The following CGAS variants were observed in gnomAD, a reference collection of about 807,000 sequenced individuals.
CGAS encodes the protein 2'3'-cGAMP synthase.
A neutral mutation model predicts 34.0 loss-of-function variants in CGAS; 31 were observed. The ratio of observed to expected loss-of-function variants is 0.91; its 90% CI spans 0.69 to 1.23. CGAS has a LOEUF of 1.23. Ranked by LOEUF, CGAS falls within the 50% of genes most tolerant of loss-of-function variation. The pLI, the probability that CGAS is intolerant of heterozygous loss-of-function variation, is 0.00. For synonymous variants in CGAS, 266 were observed against 260.0 expected, an observed-to-expected ratio of 1.02 and a Z score of -0.22; for missense variants, 597 against 657.6, an observed-to-expected ratio of 0.91 and a Z score of 1.01.
At chr6:73,428,631 T>C in intron 4 of CGAS, 78 bp downstream of exon 4, 1 of 1,333,744 alleles carries the variant, frequency 7.5e-7, no homozygotes, top group Non-Finnish European at 1.0e-6. Flanking sequence ...GCTCAGCTCT[T>C]CAGGTCTGAG....
intron 2 of CGAS, among the ~76,000 whole-genome samples, chr6:73,440,691 C>T (rs1313541495): frequency 2.0e-5 from 3 of 152,074 alleles, no homozygotes; most frequent in Admixed American, 6.6e-5. Context: ...CACTTGAGGT[C>T]AGGAGTTCGA....
chr6:73,434,780 G>C (rs575733220), intron 3 of CGAS, among the ~76,000 whole-genome samples: 1 of 152,102 alleles, frequency 6.6e-6, no homozygotes, highest in South Asian at 2.1e-4. Flanking sequence ...CTGAGTAGCT[G>C]GGACTAAGTC....
At chr6:73,450,273 A>G (rs969421769) in intron 1 of CGAS, among the ~76,000 whole-genome samples, 6 of 151,822 alleles carry the variant, frequency 4.0e-5, no homozygotes, top group African/African-American at 1.2e-4. Flanking sequence ...AAAATTAGCC[A>G]GGGTGGAGGC....
Position 73,428,704 on chromosome 6 carries a change from G to A in CGAS, c.1217+5C>T. ...ATCTGTCATTTAACAAAATAAGGCT[G>A]TTACCTGCAACATTTCTCTTCTTTG... On this transcript the variant is annotated splice_donor_5th_base_variant and intron_variant, in intron 4 of 4. Transcript: ENST00000370315. The A allele has an allele frequency of 6.2e-7, 1 of 1,607,890 alleles. No individual in the cohort carries two copies. Among genetic ancestry groups the A allele is most frequent in the Non-Finnish European group, 8.5e-7 (1 of 1,177,402 alleles).
intron 3 of CGAS, among the ~76,000 whole-genome samples, chr6:73,438,639 G>A (rs1770315749): frequency 6.9e-6 from 1 of 145,556 alleles, no homozygotes; most frequent in Admixed American, 7.2e-5. Flanking sequence ...AGGTTGCAGT[G>A]AGCCAAGTTC....
intron 2 of CGAS, among the ~76,000 whole-genome samples, chr6:73,442,330 G>A (rs1294261658): frequency 2.0e-5 from 3 of 151,602 alleles, no homozygotes; most frequent in Non-Finnish European, 2.9e-5. Flanking sequence ...GGGTTATAGG[G>A]TATACCTCTC....
At chr6:73,435,701 G>T (rs1770269984) in intron 3 of CGAS, among the ~76,000 whole-genome samples, 1 of 151,224 alleles carries the variant, frequency 6.6e-6, no homozygotes. Flanking sequence ...CACTTTAGGA[G>T]GCCAAAGTGG....
intron 4 of CGAS, among the ~76,000 whole-genome samples, chr6:73,426,334 GAA>G (rs1770086646): frequency 7.6e-6 from 1 of 131,840 alleles, no homozygotes; most frequent in African/African-American, 2.9e-5. Flanking sequence ...TGAAATAAAT[GAA>G]ATGAAATGAA....
chr6:73,430,194 T>G (rs975462714), intron 3 of CGAS, among the ~76,000 whole-genome samples: 2 of 152,080 alleles, frequency 1.3e-5, no homozygotes, highest in African/African-American at 4.8e-5. Context: ...GCAAAACATC[T>G]GCTATCTCTA....
At chr6:73,429,589 G>A (rs1300716724) in intron 3 of CGAS, among the ~76,000 whole-genome samples, 6 of 152,174 alleles carry the variant, frequency 3.9e-5, no homozygotes, top group Non-Finnish European at 4.4e-5. Context: ...CACCTTGGGA[G>A]GCCAAGGTGG....
At chr6:73,441,102 CAG>C (rs1367508080) in intron 2 of CGAS, among the ~76,000 whole-genome samples, 1 of 133,330 alleles carries the variant, frequency 7.5e-6, no homozygotes, top group Non-Finnish European at 1.6e-5. Context: ...TTTTTTGAGA[CAG>C]AGTTTCACTC....
chr6:73,428,925 G>A (rs1353298408), intron 3 of CGAS, 114 bp from the exon 4 acceptor site: 21 of 901,364 alleles, frequency 2.3e-5, no homozygotes, highest in African/African-American at 1.0e-4. Flanking sequence ...GGGGGCTCAC[G>A]CCTGTAATCT....
At chr6:73,448,307 C>T (rs111987313) in intron 1 of CGAS, among the ~76,000 whole-genome samples, 7 of 152,028 alleles carry the variant, frequency 4.6e-5, no homozygotes, top group African/African-American at 1.4e-4. Context: ...GCAGGAGAAT[C>T]GCTTGAACCT....
Position 73,440,312 on chromosome 6 carries a change from G to T in CGAS, c.1011C>A (p.Gly337=), listed in dbSNP as rs762581546. The change falls in exon 3 of 5, where the codon GGC becomes GGA. Residue 337 remains glycine, a synonymous_variant. Transcript: ENST00000370315. ...CTGAAAGCCAGTTTTGAATGCGCAG[G>T]CCTTCTTGGGTGCTAGCAGGCCAGC... ...KSSWPASTQE[G]LRIQNWLSAK... is the part of the protein sequence containing the mutation. 3 of 1,614,060 alleles carry T rather than the reference G, an allele frequency of 1.9e-6. No individual in the cohort carries two copies. The highest frequency in any genetic ancestry group is 2.5e-6 in the Non-Finnish European group (3 of 1,180,052).
In CGAS at chr6:73,425,087, C is replaced by T; in HGVS notation, c.*140G>A. On this transcript the variant is annotated 3_prime_UTR_variant, in exon 5 of 5. Transcript: ENST00000370315. Reference sequence around the variant, plus strand: ...CAGGCTGGTCTCAAACTCCTGACCTCAAGTGATCCGCCTGCCTCGGCCTCC... The same window carrying T: ...CAGGCTGGTCTCAAACTCCTGACCTTAAGTGATCCGCCTGCCTCGGCCTCC... The T allele has an allele frequency of 1.7e-6, 1 of 577,040 alleles. No individual in the cohort carries two copies. Among genetic ancestry groups the T allele is most frequent in the Non-Finnish European group, 2.9e-6 (1 of 341,230 alleles). The allele number at this position is 577,040 out of a possible 1,614,324, so 35.7% of individuals were successfully genotyped here.
chr6:73,448,611 A>G (rs902895786), intron 1 of CGAS, among the ~76,000 whole-genome samples: 1 of 152,086 alleles, frequency 6.6e-6, no homozygotes, highest in African/African-American at 2.4e-5. Context: ...TTGTAGTCCC[A>G]GGTAGCTGGG....
intron 1 of CGAS, 62 bp downstream of exon 1, chr6:73,451,463 G>A (rs1050126325): frequency 7.6e-5 from 112 of 1,482,462 alleles, no homozygotes; most frequent in Non-Finnish European, 9.1e-5. Context: ...GGGGAAGGTA[G>A]GGACTGCGGA....
At chr6:73,434,512 A>C (rs1476888483) in intron 3 of CGAS, among the ~76,000 whole-genome samples, 3 of 152,220 alleles carry the variant, frequency 2.0e-5, no homozygotes, top group African/African-American at 7.2e-5. Context: ...AGTACTCCTC[A>C]AAACTGTTAA....
intron 3 of CGAS, among the ~76,000 whole-genome samples, chr6:73,433,648 CCAGCT>C (rs1324788372): frequency 6.6e-6 from 1 of 151,974 alleles, no homozygotes; most frequent in Non-Finnish European, 1.5e-5. Flanking sequence ...GCCACCATGC[CCAGCT>C]AATTTTTGTA....
Sources: gnomAD v4.1 joint callset for allele counts (sites outside exome capture counted in the v4.1 genomes callset) on GRCh38, gnomAD v4.1.1 for gene constraint, MANE v1.5 for transcripts, NCBI Gene and HGNC (gene_info 2026-07-23, HGNC 2026-07-21) for gene names.